Variants in USP40 observed in about 807,000 individuals in gnomAD.
The protein encoded by USP40 is ubiquitin carboxyl-terminal hydrolase 40.
In USP40, 143 loss-of-function variants were observed where a neutral mutation model predicts 166.2. The ratio of observed to expected loss-of-function variants is 0.86; its 90% CI spans 0.75 to 0.99. The LOEUF (loss-of-function observed/expected upper bound fraction) is 0.99. Among genes scored for constraint, USP40 ranks in the 50% least tolerant of loss-of-function variants. The pLI is 0.00. For missense variants in USP40, 1,444 were observed against 1,479.7 expected (o/e 0.98, Z 0.40); for synonymous variants, 498 against 524.0 (o/e 0.95, Z 0.68).
chr2:233,485,265 C>T (rs886102174), intron 30 of USP40, among the ~76,000 whole-genome samples: 1 of 152,168 alleles, frequency 6.6e-6, no homozygotes, highest in Non-Finnish European at 1.5e-5. Context: ...GCTGAACTTG[C>T]TAGTATTTTA....
In USP40 at chr2:233,561,206, G is replaced by C. The variant is rs540745107; in HGVS notation, c.268-1282C>G. 556 of 1,570,024 alleles carry C rather than the reference G, an allele frequency of 3.5e-4. 1 individual carries two copies. Among genetic ancestry groups the C allele is most frequent in the Non-Finnish European group, 4.4e-4 (503 of 1,156,060 alleles). On this transcript the variant is annotated intron_variant, in intron 3 of 31. Transcript: ENST00000678225. ...ATCTTCAAACAAACCAAGCTCTTCT[G>C]GGCCAAGAGAAAATAAAGTTCATAT...
At chr2:233,558,299 T>C (rs562939719) in intron 4 of USP40, among the ~76,000 whole-genome samples, 3 of 151,112 alleles carry the variant, frequency 2.0e-5, no homozygotes, top group African/African-American at 7.3e-5. Context: ...TTCACAGCAT[T>C]AAGAAGAAAC....
Position 233,494,586 on chromosome 2 carries a change from C to T in USP40, c.2791-1035G>A, listed in dbSNP as rs531860002. ...AGGACCCTCTTTAAAAGATTTTTGG[C>T]TGGGCTTGGTGGCTCACAGCTGTAA... On this transcript the variant is annotated intron_variant, in intron 24 of 31. Coordinates refer to ENST00000678225, the MANE Select transcript of USP40 (RefSeq NM_001365479.2). 9.5e-4 allele frequency among the ~76,000 whole-genome samples: 144 copies of T among 151,950 alleles called. 1 individual carries two copies. Among genetic ancestry groups the T allele is most frequent in the African/African-American group, 3.2e-3 (132 of 41,460 alleles).
intron 8 of USP40, among the ~76,000 whole-genome samples, chr2:233,547,579 C>A (rs1207197561): frequency 6.6e-6 from 1 of 152,166 alleles, no homozygotes; most frequent in African/African-American, 2.4e-5. Flanking sequence ...ATTTTACATC[C>A]TAACATTACG....
At chr2:233,539,690 G>A (rs1399585625) in intron 10 of USP40, among the ~76,000 whole-genome samples, 2 of 151,472 alleles carry the variant, frequency 1.3e-5, no homozygotes, top group African/African-American at 4.8e-5. Flanking sequence ...AAAAGTATTA[G>A]AAGGTTTAAA....
In USP40 at chr2:233,496,783, A is replaced by G. The variant is rs1447315055; in HGVS notation, c.2765T>C (p.Leu922Ser). Residue 922 changes from leucine to serine, a missense_variant, in exon 24 of 32, where the codon TTA becomes TCA. Leu to Ser is a moderately radical substitution (Grantham distance 145, BLOSUM62 -2). Coordinates refer to ENST00000678225, the MANE Select transcript of USP40 (RefSeq NM_001365479.2). ...CAGAGGAGGAAGTTGTCCTTCAATT[A>G]AAAGCAAAGTATCTCCAGAACATAT... is the stretch of plus-strand genomic sequence containing the variant. ...LLICSGDTLL[L>S]IEGQLPPLGF... The G allele has an allele frequency of 6.2e-7, 1 of 1,612,616 alleles. No homozygotes were observed. The highest frequency in any genetic ancestry group is 1.7e-5 in the Admixed American group (1 of 59,940).
At chr2:233,524,612 C>A in intron 14 of USP40, 50 bp from the exon 15 acceptor site, 1 of 1,412,964 alleles carries the variant, frequency 7.1e-7, no homozygotes, top group Non-Finnish European at 9.5e-7. Flanking sequence ...TCAGAAACAA[C>A]TGAGCTAAAG....
intron 26 of USP40, 83 bp from the exon 27 acceptor site, chr2:233,489,566 A>C: frequency 9.2e-7 from 1 of 1,085,060 alleles, no homozygotes. Context: ...AAAATGAAGC[A>C]CTACACAGTG....
chr2:233,510,332 C>T (rs1218298660), intron 20 of USP40, among the ~76,000 whole-genome samples, 197 bp from the exon 21 acceptor site: 1 of 119,584 alleles, frequency 8.4e-6, no homozygotes, highest in South Asian at 2.9e-4. Context: ...TAAATTGCTT[C>T]ATCATCAATG....
chr2:233,490,157 CTCCT>C (rs1309397750), intron 26 of USP40, among the ~76,000 whole-genome samples: 5 of 146,180 alleles, frequency 3.4e-5, no homozygotes, highest in Non-Finnish European at 6.0e-5. Flanking sequence ...TTTTTCTTTT[CTCCT>C]TTTTTTTTTT....
rs752640045 is a variant in USP40 at position 233,549,084 on chromosome 2, C to T, written c.966+17G>A. The T allele has an allele frequency of 2.4e-5, 38 of 1,577,462 alleles. No homozygotes were observed. Among genetic ancestry groups the T allele is most frequent in the South Asian group, 1.3e-4 (11 of 83,748 alleles). ...AAGAAATTGCAAAGATATTTCTAAA[C>T]GAATTTCTATACGTACTTGAAACTG... On this transcript the variant is annotated intron_variant, in intron 8 of 31. Coordinates refer to ENST00000678225, the MANE Select transcript of USP40 (RefSeq NM_001365479.2).
chr2:233,551,217 G>A (rs188174756), intron 7 of USP40, among the ~76,000 whole-genome samples, 159 bp downstream of exon 7: 1 of 152,206 alleles, frequency 6.6e-6, no homozygotes, highest in Non-Finnish European at 1.5e-5. Context: ...ACACCCTAAT[G>A]CATGAGACAG....
chr2:233,536,784 A>G (rs2068967564), intron 10 of USP40, among the ~76,000 whole-genome samples: 1 of 152,252 alleles, frequency 6.6e-6, no homozygotes, highest in African/African-American at 2.4e-5. Flanking sequence ...AATCAAAAAC[A>G]TTAAAATAAA....
intron 7 of USP40, among the ~76,000 whole-genome samples, chr2:233,550,794 C>T (rs1009539060): frequency 8.6e-5 from 13 of 151,972 alleles, no homozygotes; most frequent in Admixed American, 6.6e-4. Context: ...CTTTTCTTTC[C>T]CTATGTCTTA....
At chr2:233,532,347 A>G (rs2068604121) in intron 11 of USP40, among the ~76,000 whole-genome samples, 1 of 152,178 alleles carries the variant, frequency 6.6e-6, no homozygotes, top group African/African-American at 2.4e-5. Flanking sequence ...AGATGTTTGC[A>G]CATGATAGTG....
In USP40 at chr2:233,481,054, G is replaced by C. The variant is rs1350210488; in HGVS notation, c.3599+149C>G. On this transcript the variant is annotated intron_variant, in intron 31 of 31. Coordinates refer to ENST00000678225, the MANE Select transcript of USP40 (RefSeq NM_001365479.2). ...CACTCAAGGAGAGGAAAGAACGCAGGGGGCGGAGAAGGACCCGCCACACTG... is the reference window on the plus strand; with the variant it reads ...CACTCAAGGAGAGGAAAGAACGCAGCGGGCGGAGAAGGACCCGCCACACTG... The C allele has an allele frequency of 7.5e-6, 5 of 668,500 alleles. No homozygotes were observed. The East Asian group carries it at 1.1e-4, about 15-fold the overall frequency. The allele number at this position is 668,500 out of a possible 1,614,324, so 41.4% of individuals were successfully genotyped here.
intron 21 of USP40, among the ~76,000 whole-genome samples, chr2:233,507,499 A>G (rs1389995966): frequency 6.6e-6 from 1 of 152,236 alleles, no homozygotes; most frequent in Non-Finnish European, 1.5e-5. Flanking sequence ...GCCATAAAAA[A>G]GAATAAAATC....
chr2:233,538,696 T>C (rs1343076959), intron 10 of USP40, among the ~76,000 whole-genome samples: 1 of 152,110 alleles, frequency 6.6e-6, no homozygotes, highest in Non-Finnish European at 1.5e-5. Context: ...ACAAGGTAGA[T>C]TTCAAGGCAA....
At chr2:233,507,738 A>G (rs1012853351) in intron 21 of USP40, among the ~76,000 whole-genome samples, 4 of 152,112 alleles carry the variant, frequency 2.6e-5, no homozygotes, top group African/African-American at 9.7e-5. Flanking sequence ...CAAAGTTACA[A>G]TCTAATAGAA....
Sources: allele counts gnomAD v4.1 joint callset (sites outside exome capture counted in the v4.1 genomes callset), GRCh38; gene constraint gnomAD v4.1.1; transcripts MANE v1.5; gene names NCBI Gene and HGNC (gene_info 2026-07-23, HGNC 2026-07-21).